The following DPP10 variants were observed in gnomAD, a reference collection of about 807,000 sequenced individuals.
The protein encoded by DPP10 is dipeptidyl peptidase like 10.
Under a neutral mutation model 120.9 loss-of-function variants are expected in DPP10, and 33 were observed. The observed-to-expected ratio is 0.27, with a 90% CI of 0.21 to 0.37. The LOEUF is 0.37. Ranked by LOEUF, DPP10 falls within the 10% of genes least tolerant of loss-of-function variation. The pLI is 1.00. For missense variants in DPP10, 816 were observed against 942.8 expected, an observed-to-expected ratio of 0.87 and a Z score of 1.76; for synonymous variants, 337 against 326.1, an observed-to-expected ratio of 1.03 and a Z score of -0.36.
intron 19 of DPP10, among the ~76,000 whole-genome samples, chr2:115,794,658 A>G (rs1684350301): frequency 6.6e-6 from 1 of 152,054 alleles, no homozygotes; most frequent in Non-Finnish European, 1.5e-5. Context: ...CTACGGAGTC[A>G]TGATCCCCTT....
intron 1 of DPP10, among the ~76,000 whole-genome samples, chr2:114,697,471 C>G (rs1700132844): frequency 6.6e-6 from 1 of 151,948 alleles, no homozygotes; most frequent in South Asian, 2.1e-4. Context: ...CAGAAGTTGG[C>G]TGGGCACAGT....
At chr2:115,518,439 C>G (rs2148867684) in intron 4 of DPP10, among the ~76,000 whole-genome samples, 1 of 152,070 alleles carries the variant, frequency 6.6e-6, no homozygotes, top group South Asian at 2.1e-4. Context: ...AAGATTTAGT[C>G]TTTGAAGCAC....
At chr2:115,557,686 C>G (rs12997176) in intron 5 of DPP10, among the ~76,000 whole-genome samples, 80,540 of 151,894 alleles carry the variant, frequency 0.53, 24,074 homozygotes, top group Non-Finnish European at 0.69. Context: ...TCCAGGTGTT[C>G]CAGAGGTCAC....
At chr2:115,429,813 A>G (rs2070809647) in intron 3 of DPP10, among the ~76,000 whole-genome samples, 1 of 152,192 alleles carries the variant, frequency 6.6e-6, no homozygotes, top group South Asian at 2.1e-4. Flanking sequence ...TAGCAGTCAT[A>G]CAGAATCTTG....
At chr2:115,422,242 T>C (rs928985874) in intron 3 of DPP10, among the ~76,000 whole-genome samples, 4 of 152,212 alleles carry the variant, frequency 2.6e-5, no homozygotes, top group Non-Finnish European at 5.9e-5. Context: ...TAAATTGTTA[T>C]ACCGATATTT....
chr2:115,488,656 C>T (rs1246631130), intron 3 of DPP10, among the ~76,000 whole-genome samples: 7 of 104,914 alleles, frequency 6.7e-5, no homozygotes, highest in South Asian at 4.0e-4. Context: ...CGCATATTCT[C>T]ACTCATAGGT....
At chr2:114,538,675 C>T (rs1479702862) in intron 1 of DPP10, among the ~76,000 whole-genome samples, 2 of 152,134 alleles carry the variant, frequency 1.3e-5, no homozygotes, top group Non-Finnish European at 2.9e-5. Flanking sequence ...ATCTCAGAAT[C>T]ATTAATATAA....
At chr2:115,631,685 G>A (rs2085884190) in intron 5 of DPP10, among the ~76,000 whole-genome samples, 1 of 152,162 alleles carries the variant, frequency 6.6e-6, no homozygotes, top group African/African-American at 2.4e-5. Flanking sequence ...AGTCATTCAG[G>A]AGCAGGTTGT....
intron 3 of DPP10, among the ~76,000 whole-genome samples, chr2:115,360,259 T>A (rs1203612535): frequency 6.6e-6 from 1 of 152,224 alleles, no homozygotes; most frequent in African/African-American, 2.4e-5. Context: ...CAGAAGTTGC[T>A]GTCATTTGGA....
At chr2:115,617,476 C>T (rs563501268) in intron 5 of DPP10, among the ~76,000 whole-genome samples, 6 of 151,280 alleles carry the variant, frequency 4.0e-5, no homozygotes, top group Non-Finnish European at 7.4e-5. Flanking sequence ...GTATGCATAA[C>T]AATATTTTGG....
chr2:115,065,679 C>A (rs1047981297), intron 1 of DPP10: 1 of 151,784 alleles, frequency 6.6e-6, no homozygotes, highest in East Asian at 1.9e-4. Context: ...GCACACCTCC[C>A]CCCCCAATTC....
At chr2:114,744,333 G>C (rs1678358654) in intron 1 of DPP10, among the ~76,000 whole-genome samples, 1 of 152,196 alleles carries the variant, frequency 6.6e-6, no homozygotes, top group South Asian at 2.1e-4. Context: ...GAGACTATTG[G>C]AAGTGTGGGA....
chr2:114,530,801 C>T (rs1006411759), intron 1 of DPP10, among the ~76,000 whole-genome samples: 2 of 152,022 alleles, frequency 1.3e-5, no homozygotes, highest in African/African-American at 4.8e-5. Context: ...ATTAATTAAA[C>T]ATAAAAAATA....
intron 7 of DPP10, among the ~76,000 whole-genome samples, chr2:115,694,385 T>C (rs2091473042): frequency 6.6e-6 from 1 of 152,186 alleles, no homozygotes; most frequent in Non-Finnish European, 1.5e-5. Context: ...CCTGGTATTA[T>C]AGAAGAGAGG....
At chr2:115,827,719 C>T (rs1323089592) in intron 21 of DPP10, among the ~76,000 whole-genome samples, 1 of 151,530 alleles carries the variant, frequency 6.6e-6, no homozygotes, top group African/African-American at 2.4e-5. Context: ...CCTCAGCCTC[C>T]CCAGTAGCTG....
chr2:115,830,863 T>C (rs1688846453), intron 21 of DPP10, among the ~76,000 whole-genome samples: 1 of 152,310 alleles, frequency 6.6e-6, no homozygotes, highest in East Asian at 1.9e-4. Flanking sequence ...GAAAGCTTCT[T>C]AAAACTTTAC....
chr2:114,735,919 T>C (rs1232383390), intron 1 of DPP10, among the ~76,000 whole-genome samples: 1 of 152,070 alleles, frequency 6.6e-6, no homozygotes, highest in Non-Finnish European at 1.5e-5. Flanking sequence ...CTACATCTAC[T>C]TGTATATTTG....
chr2:114,490,123 T>A (rs1465310120), intron 1 of DPP10, among the ~76,000 whole-genome samples: 2 of 152,198 alleles, frequency 1.3e-5, no homozygotes, highest in African/African-American at 4.8e-5. Context: ...CGGTAGGACC[T>A]ATGTTTTCCT....
chr2:115,343,383 T>G (rs564386740), intron 2 of DPP10, among the ~76,000 whole-genome samples: 1 of 152,294 alleles, frequency 6.6e-6, no homozygotes, highest in African/African-American at 2.4e-5. Flanking sequence ...GAGAGTTTAG[T>G]CATACATAAG....
Sources: allele counts gnomAD v4.1 joint callset (sites outside exome capture counted in the v4.1 genomes callset), GRCh38; gene constraint gnomAD v4.1.1; transcripts MANE v1.5; gene names NCBI Gene and HGNC (gene_info 2026-07-23, HGNC 2026-07-21).